L3MBTL4: variants seen among roughly 807,000 people sequenced by gnomAD.
L3MBTL4 encodes the protein L3MBTL histone methyl-lysine binding protein 4.
L3MBTL4 carries 70 observed loss-of-function variants against 84.5 expected under a neutral mutation model. That is an observed-to-expected ratio of 0.83 (90% confidence interval 0.68 to 1.01). L3MBTL4 has a LOEUF of 1.01. L3MBTL4 is among the 50% of genes least tolerant of loss of function. L3MBTL4 has a pLI of 0.00. For synonymous variants in L3MBTL4, 274 were observed against 259.8 expected (o/e 1.05, Z -0.52); for missense variants, 715 against 754.8 (o/e 0.95, Z 0.62).
chr18:6,342,668 CAAAT>C (rs1452690570), intron 1 of L3MBTL4, among the ~76,000 whole-genome samples: 1 of 151,598 alleles, frequency 6.6e-6, no homozygotes, highest in Non-Finnish European at 1.5e-5. Context: ...AAGAAAGGAA[CAAAT>C]AAATAAACTA....
rs1231410992 is a variant in L3MBTL4 at position 5,956,276 on chromosome 18, G to A, written c.1789C>T (p.His597Tyr). ...KIYNSILMFRHSQELPEEDIA... is the reference protein window; with the variant it reads ...KIYNSILMFRYSQELPEEDIA... Reference sequence around the variant, plus strand: ...TCTTCTTCAGGGAGTTCCTGGGAATGCCTGAACATCAGGATAGAGTTGTAA... The same window carrying A: ...TCTTCTTCAGGGAGTTCCTGGGAATACCTGAACATCAGGATAGAGTTGTAA... The change falls in exon 19 of 19, where the codon CAT (histidine) becomes TAT (tyrosine). Residue 597 changes from histidine (H) to tyrosine (Y), a missense_variant. Coordinates refer to ENST00000317931, the MANE Select transcript of L3MBTL4 (RefSeq NM_001330559.2). 1.2e-6 allele frequency: 2 copies of A among 1,613,832 alleles called. No individual in the cohort carries two copies. Among genetic ancestry groups the A allele is most frequent in the Non-Finnish European group, 1.7e-6 (2 of 1,179,832 alleles).
chr18:6,392,934 G>T (rs544907373), intron 1 of L3MBTL4, among the ~76,000 whole-genome samples: 7 of 152,170 alleles, frequency 4.6e-5, no homozygotes, highest in African/African-American at 1.2e-4. Flanking sequence ...GGGGAGAGTA[G>T]GAAGGAAATG....
chr18:6,157,241 A>G (rs1436071848), intron 13 of L3MBTL4, among the ~76,000 whole-genome samples: 1 of 152,226 alleles, frequency 6.6e-6, no homozygotes, highest in African/African-American at 2.4e-5. Flanking sequence ...TGGAAGAACA[A>G]GTACTAAAGA....
chr18:6,219,808 A>G (rs1485182170), intron 10 of L3MBTL4, among the ~76,000 whole-genome samples: 1 of 152,110 alleles, frequency 6.6e-6, no homozygotes. Context: ...TTAGAAGACG[A>G]GGAGAACTAC....
At chr18:6,282,726 A>T (rs1256644738) in intron 4 of L3MBTL4, among the ~76,000 whole-genome samples, 1 of 152,186 alleles carries the variant, frequency 6.6e-6, no homozygotes, top group Non-Finnish European at 1.5e-5. Flanking sequence ...CATGTACTGA[A>T]AAGAACAATG....
chr18:6,349,321 G>A (rs930542926), intron 1 of L3MBTL4, among the ~76,000 whole-genome samples: 2 of 152,202 alleles, frequency 1.3e-5, no homozygotes, highest in African/African-American at 4.8e-5. Context: ...TAAGTAATGT[G>A]TGGTGTATTC....
At chr18:6,212,343 T>C (rs528081718) in intron 12 of L3MBTL4, among the ~76,000 whole-genome samples, 91 of 152,354 alleles carry the variant, frequency 6.0e-4, no homozygotes, top group Non-Finnish European at 1.1e-3. Context: ...AAGATTTCTT[T>C]TAAATTATAT....
At chr18:6,371,836 G>A (rs1220198664) in intron 1 of L3MBTL4, among the ~76,000 whole-genome samples, 1 of 152,202 alleles carries the variant, frequency 6.6e-6, no homozygotes, top group Non-Finnish European at 1.5e-5. Flanking sequence ...TCCAGGCTCA[G>A]TTTCTCAAGA....
intron 13 of L3MBTL4, among the ~76,000 whole-genome samples, chr18:6,146,653 A>G (rs2042666722): frequency 6.6e-6 from 1 of 152,246 alleles, no homozygotes; most frequent in South Asian, 2.1e-4. Context: ...CTTATTAAGA[A>G]GTTTTTATAT....
intron 1 of L3MBTL4, among the ~76,000 whole-genome samples, chr18:6,350,544 T>C (rs1162219954): frequency 1.4e-5 from 2 of 138,000 alleles, no homozygotes; most frequent in Non-Finnish European, 3.0e-5. Context: ...GGATGGCTAA[T>C]ATAAAAAAGA....
At chr18:6,234,101 C>G (rs1031540872) in intron 10 of L3MBTL4, among the ~76,000 whole-genome samples, 7 of 152,142 alleles carry the variant, frequency 4.6e-5, no homozygotes, top group Admixed American at 6.5e-5. Context: ...GCTGGGAAAA[C>G]TGGCTAGCGA....
At chr18:6,332,198 T>C (rs2052072516) in intron 1 of L3MBTL4, among the ~76,000 whole-genome samples, 1 of 152,200 alleles carries the variant, frequency 6.6e-6, no homozygotes, top group Non-Finnish European at 1.5e-5. Flanking sequence ...CTACAAGCCC[T>C]GAGCGAGTCA....
chr18:5,965,613 G>C (rs1289160206), intron 17 of L3MBTL4, among the ~76,000 whole-genome samples: 1 of 152,178 alleles, frequency 6.6e-6, no homozygotes, highest in Non-Finnish European at 1.5e-5. Flanking sequence ...ACACTCTGCT[G>C]TGGGTAGGTA....
intron 14 of L3MBTL4, among the ~76,000 whole-genome samples, chr18:6,130,442 GC>G (rs958084068): frequency 1.3e-5 from 2 of 151,702 alleles, no homozygotes; most frequent in Non-Finnish European, 2.9e-5. Context: ...TCTGATACCC[GC>G]CCCCCCAACT....
At position 6,311,636 on chromosome 18, in the gene L3MBTL4, G is replaced by A. The variant is rs747075453; in HGVS notation, c.-11C>T. The A allele has an allele frequency of 8.7e-6, 14 of 1,610,210 alleles. No individual in the cohort carries two copies. Among genetic ancestry groups the A allele is most frequent in the East Asian group, 4.5e-5 (2 of 44,832 alleles). On this transcript the variant is annotated 5_prime_UTR_variant, in exon 3 of 19. Coordinates refer to ENST00000317931, the MANE Select transcript of L3MBTL4 (RefSeq NM_001330559.2). ...GTTGGGCTGTTTCATTGCCACCCCCGCACTCCTTGGCAGTGGTTTTCTGTA... is the reference window on the plus strand; with the variant it reads ...GTTGGGCTGTTTCATTGCCACCCCCACACTCCTTGGCAGTGGTTTTCTGTA...
At chr18:6,374,353 GC>G (rs1300211613) in intron 1 of L3MBTL4, 1 of 154,760 alleles carries the variant, frequency 6.5e-6, no homozygotes, top group South Asian at 2.0e-4. Context: ...ACCAAGCCTG[GC>G]ACGCTAGTGT....
In L3MBTL4 at chr18:6,006,530, TA is replaced by T. The variant is rs545601511; in HGVS notation, c.1445-36969del. Among the ~76,000 whole-genome samples the T allele has an allele frequency of 2.2e-4, 34 of 152,208 alleles. 1 individual carries two copies. In the South Asian group the frequency reaches 7.1e-3, roughly 32 times the overall value. ...GAAAACATCATTTTTCTCACTAATATAAAAAAACTGGCATACAAATTTAGTA... is the reference window on the plus strand; with the variant it reads ...GAAAACATCATTTTTCTCACTAATATAAAAAACTGGCATACAAATTTAGTA... On this transcript the variant is annotated intron_variant, in intron 16 of 18. Transcript: ENST00000317931.
rs1172076104 is a variant in L3MBTL4 at position 6,080,971 on chromosome 18, A to C, written c.1374-20T>G. On this transcript the variant is annotated intron_variant, in intron 15 of 18. Coordinates refer to ENST00000317931, the MANE Select transcript of L3MBTL4 (RefSeq NM_001330559.2). The stretch of plus-strand genomic sequence containing the variant: ...ACAAGTCTGGGCAAAGAACAGAAAT[A>C]AAATCTAGATTCATTATCCTGTGAG... 6.4e-7 allele frequency: 1 copy of C among 1,570,706 alleles called. No homozygotes were observed. Among genetic ancestry groups the C allele is most frequent in the Non-Finnish European group, 8.7e-7 (1 of 1,149,936 alleles).
intron 1 of L3MBTL4, among the ~76,000 whole-genome samples, chr18:6,355,312 G>A (rs903155999): frequency 5.3e-5 from 8 of 151,808 alleles, no homozygotes; most frequent in East Asian, 1.9e-4. Context: ...TATATACATC[G>A]ACTATGTACC....
Sources: allele counts gnomAD v4.1 joint callset (sites outside exome capture counted in the v4.1 genomes callset), GRCh38; gene constraint gnomAD v4.1.1; transcripts MANE v1.5; gene names NCBI Gene and HGNC (gene_info 2026-07-23, HGNC 2026-07-21).